SFXN5: variants seen among roughly 807,000 people sequenced by gnomAD.
SFXN5 encodes the protein sideroflexin 5.
A neutral mutation model predicts 50.2 loss-of-function variants in SFXN5; 43 were observed. That is an observed-to-expected ratio of 0.86 (90% confidence interval 0.67 to 1.11). SFXN5 has a LOEUF of 1.11. Ranked by LOEUF, SFXN5 falls within the 50% of genes least tolerant of loss-of-function variation. SFXN5 has a pLI of 0.00. For missense variants in SFXN5, 463 were observed against 454.1 expected (o/e 1.02, Z -0.18); for synonymous variants, 203 against 185.8 (o/e 1.09, Z -0.75).
At chr2:73,041,700 T>C in intron 2 of SFXN5, 2 of 358,492 alleles carry the variant, frequency 5.6e-6, no homozygotes, top group Non-Finnish European at 1.1e-5. Context: ...ATAAGGAGGA[T>C]TTTTCCTTTC....
intron 2 of SFXN5, among the ~76,000 whole-genome samples, chr2:73,041,874 T>C (rs1166081119): frequency 1.3e-5 from 2 of 152,116 alleles, no homozygotes; most frequent in African/African-American, 4.8e-5. Flanking sequence ...GGCTAATTTA[T>C]TTTTTGTAGA....
intron 2 of SFXN5, among the ~76,000 whole-genome samples, chr2:73,045,060 G>A (rs928098659): frequency 6.6e-6 from 1 of 152,230 alleles, no homozygotes; most frequent in African/African-American, 2.4e-5. Flanking sequence ...TCTTCTTGGA[G>A]AGACCAGGCC....
At chr2:73,067,050 A>G (rs201100827) in intron 1 of SFXN5, among the ~76,000 whole-genome samples, 1 of 76,860 alleles carries the variant, frequency 1.3e-5, no homozygotes, top group Non-Finnish European at 2.1e-5. Flanking sequence ...CCCTGTCTCT[A>G]AAAAAAAAGA....
chr2:72,967,612 T>G (rs1401504267), intron 12 of SFXN5, among the ~76,000 whole-genome samples: 2 of 152,164 alleles, frequency 1.3e-5, no homozygotes, highest in East Asian at 1.9e-4. Flanking sequence ...GAACCCCAGA[T>G]GGAGTAACCC....
At chr2:73,025,249 C>T (rs1677411890) in intron 3 of SFXN5, among the ~76,000 whole-genome samples, 1 of 152,084 alleles carries the variant, frequency 6.6e-6, no homozygotes, top group Non-Finnish European at 1.5e-5. Flanking sequence ...GTCCCTGGTG[C>T]GACCCCAGGC....
At position 72,998,906 on chromosome 2, in the gene SFXN5, C is replaced by T; in HGVS notation, c.534+43G>A. On this transcript the variant is annotated intron_variant, in intron 9 of 13. Coordinates refer to ENST00000272433, the MANE Select transcript of SFXN5 (RefSeq NM_144579.3). ...CCTGCAATGCTGAGCGGGGTGGCCC[C>T]AGAGCAGCAGAGCCAAGAAGGAGCA... is the stretch of plus-strand genomic sequence containing the variant. 3 of 1,606,116 alleles carry T rather than the reference C, an allele frequency of 1.9e-6. 1 individual carries two copies. Among genetic ancestry groups the T allele is most frequent in the South Asian group, 2.2e-5 (2 of 90,372 alleles).
At chr2:73,022,261 G>A (rs1006682048) in intron 5 of SFXN5, among the ~76,000 whole-genome samples, 3 of 152,302 alleles carry the variant, frequency 2.0e-5, no homozygotes, top group Non-Finnish European at 4.4e-5. Context: ...GGTGGTGGTG[G>A]GGGCTACCAG....
intron 10 of SFXN5, among the ~76,000 whole-genome samples, chr2:72,984,511 T>A (rs771599494): frequency 1.4e-5 from 2 of 144,614 alleles, no homozygotes; most frequent in African/African-American, 2.6e-5. Context: ...GGGCTGGGCC[T>A]GGGAGGCCTG....
At chr2:73,005,815 G>A (rs1245117281) in intron 6 of SFXN5, among the ~76,000 whole-genome samples, 2 of 151,916 alleles carry the variant, frequency 1.3e-5, no homozygotes, top group Admixed American at 6.6e-5. Context: ...ACACCCCAGG[G>A]TGGAATAACA....
rs1407234677 is a variant in SFXN5 at position 72,950,453 on chromosome 2, T to C, written c.946-5354A>G. Among the ~76,000 whole-genome samples the C allele has an allele frequency of 2.0e-5, 3 of 152,184 alleles. No homozygotes were observed. The highest frequency in any genetic ancestry group is 4.4e-5 in the Non-Finnish European group (3 of 68,022). On this transcript the variant is annotated intron_variant, in intron 13 of 13. Coordinates refer to ENST00000272433, the MANE Select transcript of SFXN5 (RefSeq NM_144579.3). The surrounding 1 kb of genome is among the most constrained non-coding windows in gnomAD (Gnocchi z 4.2). ...TAGGACCCCTCCAGCTCTCTGGCCA[T>C]GGCCAGGTGTTGGGTCAGTGGCCAC... is the stretch of plus-strand genomic sequence containing the variant.
chr2:72,956,951 C>T lies in SFXN5; in HGVS notation c.945+4180G>A, dbSNP rs182477161. 2.4e-5 allele frequency: 11 copies of T among 449,664 alleles called. No homozygotes were observed. In the Admixed American group the frequency reaches 2.6e-4, roughly 11 times the overall value. The allele number at this position is 449,664 out of a possible 1,614,324, so 27.9% of individuals were successfully genotyped here. A position where few individuals can be genotyped will look rare whatever the true frequency, so the allele number is the denominator to read the frequency against. On this transcript the variant is annotated intron_variant, in intron 13 of 13. Coordinates refer to ENST00000272433, the MANE Select transcript of SFXN5 (RefSeq NM_144579.3). ...ATGTCTAGCTATGCCACCTAAGTCT[C>T]CTCCACTCCTAGTCCCCTCTGCACT...
In SFXN5 at chr2:72,973,233, TGCTTCCACC is replaced by T. The variant is rs1670235125; in HGVS notation, c.626-1557_626-1549del. 6.1e-6 allele frequency: 1 copy of T among 162,938 alleles called. No homozygotes were observed. Among genetic ancestry groups the T allele is most frequent in the Non-Finnish European group, 1.5e-5 (1 of 68,134 alleles). The allele number at this position is 162,938 out of a possible 1,614,324, so 10.1% of individuals were successfully genotyped here. A position where few individuals can be genotyped will look rare whatever the true frequency, so the allele number is the denominator to read the frequency against. On this transcript the variant is annotated intron_variant, in intron 10 of 13. Transcript: ENST00000272433. The surrounding 1 kb of genome is among the most constrained non-coding windows in gnomAD (Gnocchi z 5.5). ...ACACACCATCTTCGAGCATCTCTCCTGCTTCCACCGACGCTCAGTGCAGTGGAAACCATG... is the reference window on the plus strand; with the variant it reads ...ACACACCATCTTCGAGCATCTCTCCTGACGCTCAGTGCAGTGGAAACCATG...
chr2:73,068,702 TAA>T (rs1451861627), intron 1 of SFXN5, among the ~76,000 whole-genome samples: 1 of 149,390 alleles, frequency 6.7e-6, no homozygotes, highest in Non-Finnish European at 1.5e-5. Flanking sequence ...CAACAGGGAG[TAA>T]AGACAGGCAC....
intron 6 of SFXN5, among the ~76,000 whole-genome samples, chr2:73,007,005 G>A (rs1359855572): frequency 6.6e-6 from 1 of 152,208 alleles, no homozygotes; most frequent in East Asian, 1.9e-4. Context: ...TTCACTTTGG[G>A]CCTCCTCCTT....
chr2:72,968,162 CACACACAACT>C (rs1171213178), intron 12 of SFXN5, among the ~76,000 whole-genome samples: 2 of 150,348 alleles, frequency 1.3e-5, no homozygotes, highest in African/African-American at 4.9e-5. Flanking sequence ...CACACACACA[CACACACAACT>C]GCCAGCTCCT....
chr2:73,023,063 G>A, intron 4 of SFXN5, 125 bp downstream of exon 4: 2 of 880,090 alleles, frequency 2.3e-6, no homozygotes, highest in South Asian at 1.7e-5. Flanking sequence ...GGGTGAGGGG[G>A]CCAAGGGCAA....
intron 9 of SFXN5, among the ~76,000 whole-genome samples, chr2:72,990,739 T>A (rs1027514415): frequency 1.3e-5 from 2 of 152,252 alleles, no homozygotes; most frequent in African/African-American, 4.8e-5. Context: ...CAGGGCCTGC[T>A]AATTCCAAAG....
chr2:73,030,179 G>A (rs78286263), intron 3 of SFXN5, among the ~76,000 whole-genome samples: 5,129 of 152,104 alleles, frequency 0.034, 133 homozygotes, highest in Middle Eastern at 0.12. Context: ...AACCCAAGCA[G>A]TCTGGCTCCA....
chr2:73,030,137 AAAAC>A (rs1678117469), intron 3 of SFXN5, among the ~76,000 whole-genome samples: 1 of 152,014 alleles, frequency 6.6e-6, no homozygotes, highest in South Asian at 2.1e-4. Flanking sequence ...AACAAAAACA[AAAAC>A]AAAAAAGTCT....
Sources: allele counts gnomAD v4.1 joint callset (sites outside exome capture counted in the v4.1 genomes callset), GRCh38; gene constraint gnomAD v4.1.1; non-coding constraint Gnocchi (gnomAD v3.1); transcripts MANE v1.5; gene names NCBI Gene and HGNC (gene_info 2026-07-23, HGNC 2026-07-21).